Variants in RGS17 observed in about 807,000 individuals in gnomAD.
RGS17 encodes the protein regulator of G protein signaling 17.
In RGS17, 12 loss-of-function variants were observed where a neutral mutation model predicts 25.5. That is an observed-to-expected ratio of 0.47 (90% confidence interval 0.30 to 0.76). The LOEUF (loss-of-function observed/expected upper bound fraction) is 0.76, where lower values mean the gene tolerates loss of function less well. Ranked by LOEUF, RGS17 falls within the 30% of genes least tolerant of loss-of-function variation. RGS17 has a pLI of 0.07. For synonymous variants in RGS17, 71 were observed against 76.9 expected (o/e 0.92, Z 0.40); for missense variants, 196 against 242.2 (o/e 0.81, Z 1.27).
At chr6:153,058,314 T>C (rs916607031) in intron 1 of RGS17, among the ~76,000 whole-genome samples, 1 of 152,194 alleles carries the variant, frequency 6.6e-6, no homozygotes, top group Non-Finnish European at 1.5e-5. Flanking sequence ...ACTTATATGG[T>C]GGGATGTAAA....
intron 1 of RGS17, among the ~76,000 whole-genome samples, chr6:153,122,372 TA>T (rs1262819067): frequency 2.0e-5 from 3 of 152,156 alleles, no homozygotes; most frequent in African/African-American, 7.2e-5. Context: ...CTCAAAATGA[TA>T]AATAAATGTA....
At chr6:153,092,123 G>T (rs1330550647) in intron 1 of RGS17, among the ~76,000 whole-genome samples, 1 of 152,088 alleles carries the variant, frequency 6.6e-6, no homozygotes, top group East Asian at 1.9e-4. Flanking sequence ...AAGATTACTG[G>T]ACTTACTCTT....
intron 1 of RGS17, among the ~76,000 whole-genome samples, chr6:153,056,931 A>G (rs1448821704): frequency 6.6e-6 from 1 of 150,778 alleles, no homozygotes; most frequent in African/African-American, 2.4e-5. Context: ...AATAAGTATT[A>G]ATTATTGAGG....
chr6:153,024,483 C>A lies in RGS17; in HGVS notation c.223G>T (p.Ala75Ser), dbSNP rs1263788205. ...QVLEECQNPT[A>S]EEVLSWSQNF... The stretch of plus-strand genomic sequence containing the variant: ...TGAGACCAGGACAAGACTTCCTCTG[C>A]AGTGGGGTTTTGGCTGCAGAGACAG... Residue 75 changes from alanine (A) to serine (S), a missense_variant, in exon 4 of 5, where the codon GCA becomes TCA. This residue lies in a region of RGS17 where 179 missense variants were observed against 197.6 expected (regional missense o/e 0.91). Transcript: ENST00000206262. 6.2e-7 allele frequency: 1 copy of A among 1,613,990 alleles called. No individual in the cohort carries two copies.
intron 2 of RGS17, among the ~76,000 whole-genome samples, chr6:153,042,145 T>C (rs116299463): frequency 2.0e-5 from 3 of 152,218 alleles, no homozygotes; most frequent in Admixed American, 6.5e-5. Context: ...ATAATCTCTT[T>C]AGGCATGACA....
At chr6:153,042,444 T>C (rs1270085523) in intron 2 of RGS17, among the ~76,000 whole-genome samples, 1 of 152,176 alleles carries the variant, frequency 6.6e-6, no homozygotes, top group African/African-American at 2.4e-5. Flanking sequence ...TAAAGGGCAG[T>C]TCCCCTGCAC....
At chr6:153,054,016 A>ATG (rs1235467598) in intron 1 of RGS17, among the ~76,000 whole-genome samples, 1 of 34,542 alleles carries the variant, frequency 2.9e-5, no homozygotes, top group African/African-American at 1.1e-4. Flanking sequence ...ATACGTATAT[A>ATG]TGTATATAAT....
At chr6:153,065,025 A>T (rs1182946116) in intron 1 of RGS17, among the ~76,000 whole-genome samples, 1 of 152,186 alleles carries the variant, frequency 6.6e-6, no homozygotes, top group Non-Finnish European at 1.5e-5. Context: ...ATGGATAAAA[A>T]CATAAGACCC....
intron 1 of RGS17, among the ~76,000 whole-genome samples, chr6:153,100,903 T>A (rs1777293364): frequency 6.6e-6 from 1 of 152,210 alleles, no homozygotes; most frequent in Non-Finnish European, 1.5e-5. Context: ...GTACCCAATC[T>A]GGCTGTTTCT....
intron 4 of RGS17, among the ~76,000 whole-genome samples, chr6:153,015,091 G>A (rs1779169514): frequency 6.6e-6 from 1 of 152,188 alleles, no homozygotes; most frequent in African/African-American, 2.4e-5. Context: ...GGAGCCTGAG[G>A]ATAGGACTGA....
At chr6:153,126,635 T>C (rs556966361) in intron 1 of RGS17, among the ~76,000 whole-genome samples, 1 of 152,244 alleles carries the variant, frequency 6.6e-6, no homozygotes, top group Non-Finnish European at 1.5e-5. Context: ...ATCAGTCTTA[T>C]TGGTAGCCAA....
intron 1 of RGS17, among the ~76,000 whole-genome samples, chr6:153,120,650 G>A (rs1330981322): frequency 6.6e-6 from 1 of 152,174 alleles, no homozygotes; most frequent in Admixed American, 6.5e-5. Flanking sequence ...AGCTTCAGCA[G>A]CACTCTGCCT....
chr6:153,022,398 T>C (rs1779256137), intron 4 of RGS17, among the ~76,000 whole-genome samples: 1 of 152,118 alleles, frequency 6.6e-6, no homozygotes, highest in South Asian at 2.1e-4. Flanking sequence ...GAAAATGTTT[T>C]ACATAAAAAA....
chr6:153,046,290 A>G (rs1776383429), intron 1 of RGS17, among the ~76,000 whole-genome samples: 1 of 147,270 alleles, frequency 6.8e-6, no homozygotes, highest in Non-Finnish European at 1.5e-5. Context: ...TCGCTGTAGG[A>G]TGACTAAAGT....
chr6:153,102,621 G>A (rs1012814858), intron 1 of RGS17, among the ~76,000 whole-genome samples: 1 of 151,960 alleles, frequency 6.6e-6, no homozygotes, highest in Non-Finnish European at 1.5e-5. Flanking sequence ...TCACAGAGAT[G>A]GTTCCTTAGA....
Position 153,119,078 on chromosome 6 carries a change from T to C in RGS17, c.-26+12046A>G, listed in dbSNP as rs530955930. Among the ~76,000 whole-genome samples, 349 of 152,322 alleles carry C rather than the reference T, an allele frequency of 2.3e-3. 3 individuals carry two copies. Among genetic ancestry groups the C allele is most frequent in the African/African-American group, 8.1e-3 (336 of 41,586 alleles). ...TTCCACATGCCCATTCATGCAGATA[T>C]GCTCCAGGATTCTATTCTAAGCTCA... is the stretch of plus-strand genomic sequence containing the variant. On this transcript the variant is annotated intron_variant, in intron 1 of 4. Coordinates refer to ENST00000206262, the MANE Select transcript of RGS17 (RefSeq NM_012419.5).
intron 1 of RGS17, among the ~76,000 whole-genome samples, chr6:153,080,081 A>C (rs1252399644): frequency 4.6e-5 from 7 of 152,224 alleles, no homozygotes; most frequent in African/African-American, 1.2e-4. Flanking sequence ...TTCTGGGTTC[A>C]AGTGATTCTC....
At chr6:153,089,220 TA>T (rs371711152) in intron 1 of RGS17, among the ~76,000 whole-genome samples, 23 of 30,700 alleles carry the variant, frequency 7.5e-4, no homozygotes, top group South Asian at 7.0e-3. Context: ...TGCATAGGTA[TA>T]TATGTATATA....
At chr6:153,095,197 G>A (rs529948727) in intron 1 of RGS17, among the ~76,000 whole-genome samples, 13 of 152,124 alleles carry the variant, frequency 8.5e-5, no homozygotes, top group African/African-American at 2.2e-4. Flanking sequence ...ATTTCTCAGC[G>A]AATCATTGAG....
Sources: gnomAD v4.1 joint callset for allele counts (sites outside exome capture counted in the v4.1 genomes callset) on GRCh38, gnomAD v4.1.1 for gene constraint, gnomAD v4.1.1 regional missense constraint, MANE v1.5 for transcripts, NCBI Gene and HGNC (gene_info 2026-07-23, HGNC 2026-07-21) for gene names.